Variants in SLC2A9 observed in about 807,000 individuals in gnomAD.
SLC2A9 encodes solute carrier family 2, facilitated glucose transporter member 9.
A neutral mutation model predicts 50.6 loss-of-function variants in SLC2A9; 39 were observed. The observed-to-expected ratio is 0.77, with a 90% CI of 0.60 to 1.01. The LOEUF is 1.01. Among genes scored for constraint, SLC2A9 ranks in the 50% least tolerant of loss-of-function variants. SLC2A9 has a pLI of 0.00. For synonymous variants in SLC2A9, 324 were observed against 276.9 expected (o/e 1.17, Z -1.69); for missense variants, 686 against 677.6 (o/e 1.01, Z -0.14).
At chr4:10,013,487 G>T (rs1281478859) in intron 2 of SLC2A9, among the ~76,000 whole-genome samples, 1 of 152,194 alleles carries the variant, frequency 6.6e-6, no homozygotes, top group Non-Finnish European at 1.5e-5. Flanking sequence ...CCTGAAACTT[G>T]GATGTATTGG....
intron 3 of SLC2A9, chr4:9,783,158 CA>C (rs1481182937): frequency 9.3e-6 from 15 of 1,614,226 alleles, no homozygotes; most frequent in Non-Finnish European, 1.3e-5. Context: ...GGGGTGCAGC[CA>C]CTTCTGCTCC....
chr4:9,844,943 C>T (rs957086816), intron 10 of SLC2A9, among the ~76,000 whole-genome samples: 1 of 152,210 alleles, frequency 6.6e-6, no homozygotes, highest in Non-Finnish European at 1.5e-5. Context: ...AGCAATGTTT[C>T]CTACATATTA....
At chr4:9,804,061 C>T (rs1721814599) in intron 3 of SLC2A9, among the ~76,000 whole-genome samples, 2 of 152,180 alleles carry the variant, frequency 1.3e-5, no homozygotes, top group South Asian at 4.1e-4. Context: ...GTGTTTTACC[C>T]ATGCATGTTC....
chr4:9,823,730 G>C (rs1036307091), downstream of SLC2A9, among the ~76,000 whole-genome samples: 8 of 152,188 alleles, frequency 5.3e-5, no homozygotes, highest in Non-Finnish European at 8.8e-5. Flanking sequence ...GAATTCACTG[G>C]AGTAAATATC....
At chr4:9,886,838 C>T (rs1163114300) in intron 10 of SLC2A9, among the ~76,000 whole-genome samples, 2 of 152,170 alleles carry the variant, frequency 1.3e-5, no homozygotes, top group East Asian at 3.9e-4. Flanking sequence ...GGACACAGGG[C>T]CAGGGAATGG....
rs149485235 is a variant in SLC2A9 at position 9,884,204 on chromosome 4, C to T, written c.1291+3363G>A. 2.9e-3 allele frequency among the ~76,000 whole-genome samples: 439 copies of T among 152,330 alleles called. 6 individuals carry two copies. Among genetic ancestry groups the T allele is most frequent in the African/African-American group, 0.01 (431 of 41,576 alleles). ...ACTGACTGATACATGCTGTTAGTGA[C>T]TCAGAATTCAGACTGCACATGTGAA... On this transcript the variant is annotated intron_variant, in intron 10 of 11. Coordinates refer to ENST00000264784, the MANE Select transcript of SLC2A9 (RefSeq NM_020041.3).
At chr4:9,916,834 T>G (rs982442897) in intron 7 of SLC2A9, among the ~76,000 whole-genome samples, 2 of 152,234 alleles carry the variant, frequency 1.3e-5, no homozygotes, top group Non-Finnish European at 2.9e-5. Flanking sequence ...ATTGATCCAA[T>G]TTTCAGCCCA....
chr4:10,008,895 C>T (rs1370366175), intron 2 of SLC2A9, among the ~76,000 whole-genome samples: 17 of 133,464 alleles, frequency 1.3e-4, no homozygotes, highest in Admixed American at 4.7e-4. Context: ...AATTTCTGTG[C>T]GGTGGTTTTT....
chr4:10,032,990 G>A (rs1017251345), intron 1 of SLC2A9, among the ~76,000 whole-genome samples: 7 of 152,066 alleles, frequency 4.6e-5, no homozygotes, highest in South Asian at 2.1e-4. Flanking sequence ...ATGTAAAGCC[G>A]GGCACTGCCG....
intron 3 of SLC2A9, among the ~76,000 whole-genome samples, chr4:9,819,679 A>C (rs1724134792): frequency 6.6e-6 from 1 of 152,200 alleles, no homozygotes; most frequent in Admixed American, 6.5e-5. Context: ...CATGCCTGTA[A>C]TCCCAGCACT....
At chr4:9,868,850 A>G (rs1359324747) in intron 10 of SLC2A9, among the ~76,000 whole-genome samples, 2 of 152,272 alleles carry the variant, frequency 1.3e-5, no homozygotes, top group South Asian at 2.1e-4. Flanking sequence ...TTTGCATTAC[A>G]TTTTGAGCAG....
At chr4:9,829,438 T>C (rs1298354405) in intron 11 of SLC2A9, among the ~76,000 whole-genome samples, 3 of 137,368 alleles carry the variant, frequency 2.2e-5, no homozygotes, top group South Asian at 4.5e-4. Context: ...ATTCGGGACA[T>C]AGTCACGGGC....
chr4:9,914,960 A>T (rs757009138), intron 7 of SLC2A9, among the ~76,000 whole-genome samples: 2 of 152,226 alleles, frequency 1.3e-5, no homozygotes, highest in Non-Finnish European at 2.9e-5. Context: ...GTGTTGGATC[A>T]CCCAGTCTTG....
At chr4:9,875,185 C>A (rs1734106454) in intron 10 of SLC2A9, among the ~76,000 whole-genome samples, 1 of 127,306 alleles carries the variant, frequency 7.9e-6, no homozygotes, top group Non-Finnish European at 1.7e-5. Context: ...CATAGGTTAG[C>A]ATCTGTCTAA....
At chr4:10,038,183 G>A (rs1764168525) in intron 1 of SLC2A9, among the ~76,000 whole-genome samples, 1 of 151,936 alleles carries the variant, frequency 6.6e-6, no homozygotes, top group Non-Finnish European at 1.5e-5. Context: ...GTATATTTGT[G>A]AAGTGTGTGT....
downstream of SLC2A9, among the ~76,000 whole-genome samples, chr4:9,777,263 G>GA (rs577890037): frequency 1.7e-3 from 259 of 149,230 alleles, 1 homozygote; most frequent in African/African-American, 6.0e-3. Flanking sequence ...GTGCTAATTA[G>GA]AAAAAAAGAG....
chr4:9,880,620 C>A (rs984924702), intron 10 of SLC2A9: 1 of 959,236 alleles, frequency 1.0e-6, no homozygotes, highest in East Asian at 1.1e-4. Context: ...GCAGATGAGT[C>A]CAATCTGGCT....
At chr4:10,038,341 C>T (rs71603981) in intron 1 of SLC2A9, among the ~76,000 whole-genome samples, 10 of 151,770 alleles carry the variant, frequency 6.6e-5, no homozygotes, top group Non-Finnish European at 1.0e-4. Context: ...AACCCAGTCT[C>T]TACTAAAAAT....
intron 5 of SLC2A9, among the ~76,000 whole-genome samples, chr4:9,976,667 G>A (rs1175055948): frequency 2.0e-5 from 3 of 152,220 alleles, no homozygotes; most frequent in Non-Finnish European, 4.4e-5. Context: ...CAGCCTATAG[G>A]AACCAATGGT....
Sources: gnomAD v4.1 joint callset for allele counts (sites outside exome capture counted in the v4.1 genomes callset) on GRCh38, gnomAD v4.1.1 for gene constraint, MANE v1.5 for transcripts, NCBI Gene and HGNC (gene_info 2026-07-23, HGNC 2026-07-21) for gene names.